The following AFF2 variants were observed in gnomAD, a reference collection of about 807,000 sequenced individuals.
AFF2 encodes ALF transcription elongation factor 2, also known as AF4/FMR2 family member 2.
Under a neutral mutation model 76.9 loss-of-function variants are expected in AFF2, and 14 were observed. That is an observed-to-expected ratio of 0.18 (90% CI 0.12 to 0.28). AFF2 has a LOEUF of 0.28. Among genes scored for constraint, AFF2 ranks in the 10% least tolerant of loss-of-function variants. The pLI, the probability that AFF2 is intolerant of heterozygous loss-of-function variation, is 1.00. For synonymous variants in AFF2, 398 were observed against 366.7 expected (o/e 1.09, Z -0.98); for missense variants, 868 against 1,001.1 (o/e 0.87, Z 1.79).
At chrX:148,895,482 T>G (rs2071272386) in intron 8 of AFF2, among the ~76,000 whole-genome samples, 1 of 111,370 alleles carries the variant, frequency 9.0e-6, no homozygotes, top group African/African-American at 3.3e-5. Context: ...AACATCCTTT[T>G]GTCTTATTGA....
Position 148,662,061 on chromosome X carries a change from C to T in AFF2, c.334C>T (p.Pro112Ser). 8.3e-7 allele frequency: 1 copy of T among 1,210,820 alleles called. No individual in the cohort carries two copies. Among genetic ancestry groups the T allele is most frequent in the South Asian group, 1.8e-5 (1 of 56,971 alleles). Residue 112 changes from proline (P) to serine (S), a missense_variant, in exon 3 of 21, where the codon CCA becomes TCA. By Grantham distance (74) the Pro-to-Ser change is moderately conservative (BLOSUM62 -1). Coordinates refer to ENST00000370460, the MANE Select transcript of AFF2 (RefSeq NM_002025.4). Reference sequence around the variant, plus strand: ...CCAGAATCCCAACAACAAAAATGAACCAAGCTTTTTTCCAGAACAAAAGAA... The same window carrying T: ...CCAGAATCCCAACAACAAAAATGAATCAAGCTTTTTTCCAGAACAAAAGAA... ...VPQNPNNKNEPSFFPEQKNRI... is the reference protein window; with the variant it reads ...VPQNPNNKNESSFFPEQKNRI...
At chrX:148,816,114 G>C (rs950194799) in intron 4 of AFF2, among the ~76,000 whole-genome samples, 1 of 111,809 alleles carries the variant, frequency 8.9e-6, no homozygotes, top group Non-Finnish European at 1.9e-5. Context: ...TCCAACTGTT[G>C]TCTAAGAACC....
intron 1 of AFF2, among the ~76,000 whole-genome samples, chrX:148,614,717 C>CTTTCTTTTCTTTCTTTCT (rs1557249976): frequency 2.1e-5 from 1 of 47,678 alleles, no homozygotes; most frequent in African/African-American, 8.3e-5. Flanking sequence ...TTCTTTCTTT[C>CTTTCTTTTCTTTCTTTCT]TTTCTTTCTT....
intron 8 of AFF2, among the ~76,000 whole-genome samples, chrX:148,897,108 T>G (rs2124183748): frequency 1.0e-5 from 1 of 100,224 alleles, no homozygotes; most frequent in Admixed American, 1.1e-4. Flanking sequence ...CTACAGACTT[T>G]ATGTAATAAA....
At chrX:148,549,587 C>A (rs2052966662) in intron 1 of AFF2, among the ~76,000 whole-genome samples, 1 of 111,616 alleles carries the variant, frequency 9.0e-6, no homozygotes, top group African/African-American at 3.3e-5. Context: ...ACATCATAAT[C>A]CTCTCTCCGT....
intron 1 of AFF2, among the ~76,000 whole-genome samples, chrX:148,626,532 G>A (rs1297248532): frequency 1.8e-5 from 2 of 110,767 alleles, no homozygotes; most frequent in African/African-American, 6.6e-5. Flanking sequence ...CAAACTTGGT[G>A]TCTTTAACAA....
chrX:148,893,076 G>A (rs1603336206), intron 8 of AFF2, among the ~76,000 whole-genome samples: 1 of 112,116 alleles, frequency 8.9e-6, no homozygotes, highest in East Asian at 2.8e-4. Flanking sequence ...CATTTGGGCC[G>A]TTAAGGTTAC....
intron 3 of AFF2, among the ~76,000 whole-genome samples, chrX:148,725,783 G>T (rs1315645170): frequency 8.9e-6 from 1 of 112,231 alleles, no homozygotes; most frequent in African/African-American, 3.2e-5. Flanking sequence ...TATTTTACTT[G>T]TAATACTTTA....
chrX:148,956,595 G>A lies in AFF2; in HGVS notation c.2550G>A (p.Lys850=), dbSNP rs1409549479. Residue 850 remains lysine, a synonymous_variant, in exon 11 of 21, where the codon AAG becomes AAA. Coordinates refer to ENST00000370460, the MANE Select transcript of AFF2 (RefSeq NM_002025.4). The part of the protein sequence containing the change: ...AVTAVEKPAP[K]GKRKHKPIEV... ...CAGCTGTGGAGAAACCAGCCCCTAA[G>A]GGCAAACGTAAGCACAAGGTAAGCT... is the stretch of plus-strand genomic sequence containing the variant. The A allele has an allele frequency of 8.3e-6, 10 of 1,208,511 alleles. No individual in the cohort carries two copies. In the Admixed American group the frequency reaches 2.2e-4, roughly 27 times the overall value.
chrX:148,757,899 G>A (rs1386005913), intron 3 of AFF2, among the ~76,000 whole-genome samples: 1 of 112,086 alleles, frequency 8.9e-6, no homozygotes, highest in Admixed American at 9.5e-5. Context: ...ACAAAAGTTC[G>A]TTCTCATAAC....
chrX:148,622,948 A>G (rs957192829), intron 1 of AFF2, among the ~76,000 whole-genome samples: 1 of 111,954 alleles, frequency 8.9e-6, no homozygotes, highest in African/African-American at 3.2e-5. Flanking sequence ...TAAGCTCTTC[A>G]GGGACATTAT....
intron 1 of AFF2, among the ~76,000 whole-genome samples, chrX:148,507,507 C>T (rs1005917610): frequency 7.2e-5 from 8 of 111,378 alleles, no homozygotes; most frequent in Admixed American, 3.8e-4. Context: ...TATGAGTGGT[C>T]GGAGGGTTGG....
intron 4 of AFF2, 92 bp downstream of exon 4, chrX:148,810,012 G>A: frequency 1.1e-6 from 1 of 876,847 alleles, no homozygotes; most frequent in Non-Finnish European, 1.6e-6. Flanking sequence ...GTTTCAAGGA[G>A]TTTCATGATG....
intron 1 of AFF2, among the ~76,000 whole-genome samples, chrX:148,541,955 G>A (rs2052862174): frequency 9.3e-6 from 1 of 107,329 alleles, no homozygotes; most frequent in Non-Finnish European, 1.9e-5. Context: ...ATAGGCAGAA[G>A]TGGGTTTCAC....
At chrX:148,634,737 C>T (rs1037358060) in intron 1 of AFF2, among the ~76,000 whole-genome samples, 9 of 111,120 alleles carry the variant, frequency 8.1e-5, no homozygotes, top group African/African-American at 3.0e-4. Flanking sequence ...CACAGCAATC[C>T]CCGGAGATAC....
chrX:148,886,928 A>G (rs2071166379), intron 8 of AFF2, among the ~76,000 whole-genome samples: 1 of 112,546 alleles, frequency 8.9e-6, no homozygotes, highest in Non-Finnish European at 1.9e-5. Context: ...AAGAGCCTAC[A>G]AAGAAAAGCT....
intron 3 of AFF2, among the ~76,000 whole-genome samples, chrX:148,711,345 A>G (rs1223020090): frequency 8.9e-6 from 1 of 112,041 alleles, no homozygotes; most frequent in African/African-American, 3.2e-5. Flanking sequence ...TTATTAGAAA[A>G]TCTACATTAT....
At chrX:148,984,382 A>G (rs1217964563) in intron 19 of AFF2, among the ~76,000 whole-genome samples, 2 of 111,326 alleles carry the variant, frequency 1.8e-5, no homozygotes, top group South Asian at 3.9e-4. Flanking sequence ...GAAATGTGGA[A>G]AAAAGGGTGA....
intron 3 of AFF2, among the ~76,000 whole-genome samples, chrX:148,698,671 A>G (rs782202361): frequency 1.8e-5 from 2 of 112,282 alleles, no homozygotes; most frequent in Admixed American, 1.9e-4. Context: ...AATAGATAAT[A>G]ATGTGACCAG....
Sources: allele counts gnomAD v4.1 joint callset (sites outside exome capture counted in the v4.1 genomes callset), GRCh38; gene constraint gnomAD v4.1.1; transcripts MANE v1.5; gene names NCBI Gene and HGNC (gene_info 2026-07-23, HGNC 2026-07-21).